The following NTM variants were observed in gnomAD, a reference collection of about 807,000 sequenced individuals.
NTM encodes neurotrimin, also known as IgLON family member 2.
A neutral mutation model predicts 42.1 loss-of-function variants in NTM; 13 were observed. The observed-to-expected ratio is 0.31, with a 90% CI of 0.20 to 0.49. The LOEUF is 0.49. NTM is among the 20% of genes least tolerant of loss of function. NTM has a pLI of 0.99. For synonymous variants in NTM, 187 were observed against 179.2 expected (o/e 1.04, Z -0.35); for missense variants, 373 against 452.8 (o/e 0.82, Z 1.60).
chr11:131,612,221 A>G (rs908147768), intron 1 of NTM, among the ~76,000 whole-genome samples: 1 of 152,150 alleles, frequency 6.6e-6, no homozygotes, highest in African/African-American at 2.4e-5. Flanking sequence ...CCTGCCTGCA[A>G]CCCCAGTCTA....
intron 2 of NTM, among the ~76,000 whole-genome samples, chr11:132,103,834 T>C (rs973048611): frequency 6.6e-6 from 1 of 152,186 alleles, no homozygotes; most frequent in Admixed American, 6.5e-5. Context: ...GTGGTGCAGA[T>C]GAAAATGCAG....
intron 1 of NTM, among the ~76,000 whole-genome samples, chr11:131,416,570 G>C (rs1030033282): frequency 1.3e-5 from 2 of 152,092 alleles, no homozygotes; most frequent in Admixed American, 6.6e-5. Context: ...AGCAAAATCA[G>C]GTGCATGTGT....
At chr11:132,273,309 GTTTTTTTTTTTT>G (rs57877862) in intron 4 of NTM, among the ~76,000 whole-genome samples, 10 of 55,656 alleles carry the variant, frequency 1.8e-4, no homozygotes, top group African/African-American at 8.1e-4. Context: ...GTTGACTAGT[GTTTTTTTTTTTT>G]TTTTTTTTTT....
intron 1 of NTM, among the ~76,000 whole-genome samples, chr11:131,759,944 C>G (rs2135788733): frequency 6.6e-6 from 1 of 152,130 alleles, no homozygotes; most frequent in East Asian, 1.9e-4. Context: ...AACTAAATAA[C>G]TTTCCTAACA....
At chr11:131,899,283 C>A in intron 1 of NTM, among the ~76,000 whole-genome samples, 1 of 152,162 alleles carries the variant, frequency 6.6e-6, no homozygotes, top group Non-Finnish European at 1.5e-5. Flanking sequence ...GATTGGAAAG[C>A]AAGGCGGGCC....
intron 3 of NTM, among the ~76,000 whole-genome samples, chr11:132,187,619 G>C (rs1052382202): frequency 1.3e-5 from 2 of 152,208 alleles, no homozygotes; most frequent in Non-Finnish European, 2.9e-5. Context: ...GTGACCTCCA[G>C]AAGGGGCAGT....
intron 4 of NTM, among the ~76,000 whole-genome samples, chr11:132,217,227 A>G (rs1276968492): frequency 6.6e-6 from 1 of 152,206 alleles, no homozygotes; most frequent in Admixed American, 6.5e-5. Flanking sequence ...TTTCAACTGT[A>G]TATGAAAATT....
At chr11:131,412,841 T>C (rs1374764485) in intron 1 of NTM, among the ~76,000 whole-genome samples, 1 of 152,116 alleles carries the variant, frequency 6.6e-6, no homozygotes, top group African/African-American at 2.4e-5. Flanking sequence ...TCATCACTAA[T>C]AACAAGAAAG....
chr11:132,307,711 C>T lies in NTM; in HGVS notation c.549C>T (p.Asp183=), dbSNP rs138880898. 1.9e-5 allele frequency: 30 copies of T among 1,614,076 alleles called. No individual in the cohort carries two copies. Among genetic ancestry groups the T allele is most frequent in the Middle Eastern group, 3.3e-4 (2 of 6,084 alleles). ...SPKAVGFVSE[D]EYLEIQGITR... is the part of the protein sequence containing the mutation. Reference sequence around the variant, plus strand: ...CAGCGGTTGGCTTTGTGAGTGAAGACGAATACTTGGAAATTCAGGGCATCA... The same window carrying T: ...CAGCGGTTGGCTTTGTGAGTGAAGATGAATACTTGGAAATTCAGGGCATCA... Residue 183 remains aspartate (D), a synonymous_variant, in exon 5 of 9, where the codon GAC becomes GAT. Coordinates refer to ENST00000683400, the MANE Select transcript of NTM (RefSeq NM_001352005.2).
intron 1 of NTM, among the ~76,000 whole-genome samples, chr11:131,465,310 C>T (rs1462365183): frequency 6.6e-6 from 1 of 152,182 alleles, no homozygotes; most frequent in East Asian, 1.9e-4. Context: ...GTTGGCCCCA[C>T]ACACGTACCA....
intron 1 of NTM, among the ~76,000 whole-genome samples, chr11:131,751,313 A>G (rs1257119015): frequency 2.0e-5 from 3 of 151,958 alleles, no homozygotes; most frequent in African/African-American, 4.8e-5. Flanking sequence ...AAGGCTGGGC[A>G]CGGTGGCTCA....
chr11:131,576,935 A>G (rs1410291659), intron 1 of NTM, among the ~76,000 whole-genome samples: 1 of 152,240 alleles, frequency 6.6e-6, no homozygotes, highest in African/African-American at 2.4e-5. Flanking sequence ...TAATCTTTGC[A>G]AATGTTTAGC....
chr11:131,493,132 G>T (rs532738658), intron 1 of NTM, among the ~76,000 whole-genome samples: 1 of 152,236 alleles, frequency 6.6e-6, no homozygotes, highest in South Asian at 2.1e-4. Flanking sequence ...GCTGGGGTGG[G>T]GGTGCTCAAG....
At chr11:131,677,320 G>T (rs1245398833) in intron 1 of NTM, among the ~76,000 whole-genome samples, 1 of 152,192 alleles carries the variant, frequency 6.6e-6, no homozygotes, top group East Asian at 1.9e-4. Flanking sequence ...ACCTTTCGTG[G>T]CAGTGTTGGG....
Position 132,314,623 on chromosome 11 carries a change from T to C in NTM, c.854T>C (p.Val285Ala), listed in dbSNP as rs1361796539. 1 of 1,613,870 alleles carries C rather than the reference T, an allele frequency of 6.2e-7. No individual in the cohort carries two copies. Among genetic ancestry groups the C allele is most frequent in the African/African-American group, 1.3e-5 (1 of 74,924 alleles). ...PFLSKLIFFNVSEHDYGNYTC... is the reference protein window; with the variant it reads ...PFLSKLIFFNASEHDYGNYTC... ...CTCTCAAAACTCATCTTCTTCAATG[T>C]CTCTGAACATGACTATGGGAACTAC... The change falls in exon 7 of 9, where the codon GTC (valine) becomes GCC (alanine). Residue 285 changes from valine (V) to alanine (A), a missense_variant. Physicochemically the swap from Val to Ala is moderately conservative, Grantham distance 64 (BLOSUM62 0). Coordinates refer to ENST00000683400, the MANE Select transcript of NTM (RefSeq NM_001352005.2).
intron 2 of NTM, among the ~76,000 whole-genome samples, chr11:131,958,965 G>A (rs2061841460): frequency 6.6e-6 from 1 of 152,200 alleles, no homozygotes; most frequent in African/African-American, 2.4e-5. Flanking sequence ...AAGTCCACAT[G>A]CCACTGTTTC....
rs191453047 is a variant in NTM, at chr11:132,317,619, C to T, written c.934+2916C>T. On this transcript the variant is annotated intron_variant, in intron 7 of 8. Transcript: ENST00000683400. ...TGTATATAATATATGTGTTTGTTCT[C>T]ATTTTTCTCTCCTGTGTGTCCCTCA... The T allele has an allele frequency of 3.1e-6, 4 of 1,274,968 alleles. No homozygotes were observed. In the East Asian group the frequency reaches 2.2e-4, roughly 71 times the overall value. 79.0% of individuals were successfully genotyped at this position (1,274,968 alleles called of 1,614,324 possible). A position where few individuals can be genotyped will look rare whatever the true frequency, so the allele number is the denominator to read the frequency against.
chr11:132,284,288 G>T (rs1300290939), intron 4 of NTM: 3 of 152,204 alleles, frequency 2.0e-5, no homozygotes, highest in Non-Finnish European at 4.4e-5. Flanking sequence ...AAATTTGGAG[G>T]CCAGAAGTCT....
At chr11:132,071,930 C>A (rs1016578213) in intron 2 of NTM, among the ~76,000 whole-genome samples, 1 of 152,142 alleles carries the variant, frequency 6.6e-6, no homozygotes, top group African/African-American at 2.4e-5. Flanking sequence ...TAACTCACAC[C>A]TACCTGGATA....
Sources: gnomAD v4.1 joint callset for allele counts (sites outside exome capture counted in the v4.1 genomes callset) on GRCh38, gnomAD v4.1.1 for gene constraint, MANE v1.5 for transcripts, NCBI Gene and HGNC (gene_info 2026-07-23, HGNC 2026-07-21) for gene names.